PDE4D: variants seen among roughly 807,000 people sequenced by gnomAD.
PDE4D encodes phosphodiesterase 4D.
Under a neutral mutation model 87.4 loss-of-function variants are expected in PDE4D, and 24 were observed. The observed-to-expected ratio is 0.27, with a 90% CI of 0.20 to 0.39. The LOEUF is 0.39. PDE4D is among the 10% of genes least tolerant of loss of function. The probability of loss-of-function intolerance (pLI) is 1.00; values close to 1 mark genes in which losing one functional copy is unlikely to be tolerated. For synonymous variants in PDE4D, 384 were observed against 383.2 expected (o/e 1.00, Z -0.02); for missense variants, 714 against 1,041.0 (o/e 0.69, Z 4.32).
At chr5:59,015,755 C>G (rs1034909626) in intron 6 of PDE4D, among the ~76,000 whole-genome samples, 1 of 152,112 alleles carries the variant, frequency 6.6e-6, no homozygotes, top group Non-Finnish European at 1.5e-5. Flanking sequence ...ACCATTTGAC[C>G]CAGCCATCCC....
At chr5:60,217,511 A>T (rs1445343817) in intron 1 of PDE4D, among the ~76,000 whole-genome samples, 1 of 152,014 alleles carries the variant, frequency 6.6e-6, no homozygotes, top group Non-Finnish European at 1.5e-5. Flanking sequence ...TTCAAATCAC[A>T]TAGTAAAACA....
intron 1 of PDE4D, among the ~76,000 whole-genome samples, chr5:60,391,949 G>A (rs1583610364): frequency 6.6e-6 from 1 of 151,962 alleles, no homozygotes; most frequent in African/African-American, 2.4e-5. Context: ...GGATTGAAAG[G>A]CAGAAGATAT....
chr5:59,119,320 C>G (rs1774107702), intron 5 of PDE4D, among the ~76,000 whole-genome samples: 1 of 151,820 alleles, frequency 6.6e-6, no homozygotes, highest in East Asian at 1.9e-4. Context: ...TTTTAAATAC[C>G]AAGAGAGAAG....
At chr5:60,166,500 T>C (rs773087486) in intron 2 of PDE4D, among the ~76,000 whole-genome samples, 2 of 152,232 alleles carry the variant, frequency 1.3e-5, no homozygotes, top group Non-Finnish European at 2.9e-5. Flanking sequence ...GCATGTCCTG[T>C]AACAAATTAT....
chr5:59,110,661 T>C (rs1772460366), intron 5 of PDE4D, among the ~76,000 whole-genome samples: 1 of 152,244 alleles, frequency 6.6e-6, no homozygotes, highest in East Asian at 1.9e-4. Flanking sequence ...CACTTGAGCC[T>C]AGGAGTTTGA....
chr5:59,320,008 G>A (rs1172132810), intron 1 of PDE4D, among the ~76,000 whole-genome samples: 1 of 151,704 alleles, frequency 6.6e-6, no homozygotes, highest in Non-Finnish European at 1.5e-5. Flanking sequence ...TACCTTCAAG[G>A]GTCAGTGGAG....
At chr5:60,036,569 T>C (rs913351186) in intron 2 of PDE4D, among the ~76,000 whole-genome samples, 7 of 152,200 alleles carry the variant, frequency 4.6e-5, no homozygotes, top group Admixed American at 6.5e-5. Flanking sequence ...CATAAACTCA[T>C]GTCTCCGAAC....
intron 1 of PDE4D, among the ~76,000 whole-genome samples, chr5:59,366,631 AAGAG>A (rs1364625691): frequency 1.3e-5 from 2 of 152,182 alleles, no homozygotes; most frequent in Admixed American, 1.3e-4. Context: ...TTTATAAATC[AAGAG>A]ATGTTTTAAT....
chr5:59,292,159 T>A (rs1768168687), intron 1 of PDE4D, among the ~76,000 whole-genome samples: 1 of 152,172 alleles, frequency 6.6e-6, no homozygotes, highest in Non-Finnish European at 1.5e-5. Flanking sequence ...ATTTAAGCCT[T>A]CATTCAGTTG....
intron 1 of PDE4D, chr5:60,430,316 C>A (rs1356890276): frequency 6.5e-6 from 3 of 462,328 alleles, no homozygotes; most frequent in Admixed American, 2.2e-5. Flanking sequence ...GGCCACTATT[C>A]TTACATCATA....
In PDE4D at chr5:60,084,410, G is replaced by A. The variant is rs562482042; in HGVS notation, c.43-95693C>T. 2.5e-4 allele frequency among the ~76,000 whole-genome samples: 38 copies of A among 151,986 alleles called. No individual in the cohort carries two copies. In the South Asian group the frequency reaches 4.8e-3, roughly 19 times the overall value. On this transcript the variant is annotated intron_variant, in intron 2 of 16. Transcript: ENST00000502484. ...TTAACGTGTGTGTGTGTGTGTGCGC[G>A]CGCGCGTGTGCGCATGCGCACGCAT...
At chr5:60,408,780 A>G (rs976251448) in intron 1 of PDE4D, among the ~76,000 whole-genome samples, 10 of 152,248 alleles carry the variant, frequency 6.6e-5, no homozygotes, top group African/African-American at 2.4e-4. Context: ...ACAAAATAAT[A>G]AAGGGAGAGA....
rs569402217 is a variant in PDE4D at position 59,592,865 on chromosome 5, T to C, written c.455+300303A>G. Among the ~76,000 whole-genome samples, 8 of 152,222 alleles carry C rather than the reference T, an allele frequency of 5.3e-5. 1 individual carries two copies. The highest frequency in any genetic ancestry group is 3.4e-3 in the Middle Eastern group (1 of 294). ...AACCCTTATTTTCAGGTTCTGCCTT[T>C]TACTTTTTGTGTAATTTTGACCAAC... On this transcript the variant is annotated intron_variant, in intron 1 of 14. Coordinates refer to ENST00000340635, the MANE Select transcript of PDE4D (RefSeq NM_001104631.2).
chr5:59,531,275 T>C (rs1173170412), intron 1 of PDE4D, among the ~76,000 whole-genome samples: 2 of 152,180 alleles, frequency 1.3e-5, no homozygotes, highest in East Asian at 3.8e-4. Flanking sequence ...GTTCTTGCCC[T>C]TCATCTCCTT....
At chr5:59,715,738 G>C (rs1355319293) in intron 1 of PDE4D, among the ~76,000 whole-genome samples, 1 of 152,224 alleles carries the variant, frequency 6.6e-6, no homozygotes, top group Non-Finnish European at 1.5e-5. Flanking sequence ...GATGGAAACG[G>C]ATGGTAACCT....
Position 60,440,760 on chromosome 5 carries a change from T to C in PDE4D, c.-90+47182A>G, listed in dbSNP as rs59550963. Reference sequence around the variant, plus strand: ...TAATAGCATAAATTCATTGACTGTTTACTATGTGCAGGATAATCATTTAAT... The same window carrying C: ...TAATAGCATAAATTCATTGACTGTTCACTATGTGCAGGATAATCATTTAAT... On this transcript the variant is annotated intron_variant, in intron 1 of 16. Coordinates refer to the PDE4D transcript ENST00000502484. Among the ~76,000 whole-genome samples the C allele has an allele frequency of 9.3e-3, 1,419 of 152,272 alleles. 24 individuals carry two copies. Among genetic ancestry groups the C allele is most frequent in the African/African-American group, 0.032 (1,344 of 41,554 alleles).
In PDE4D at chr5:59,149,706, G is replaced by GTTTTTTTTTT. The variant is rs76421367; in HGVS notation, c.808+30879_808+30888dup. Reference sequence around the variant, plus strand: ...TTTGCCTTTCTCCCTCTCTCCTCGAGTTTTTTTTTTTTTTTTTTTTTTTTC... The same window carrying GTTTTTTTTTT: ...TTTGCCTTTCTCCCTCTCTCCTCGAGTTTTTTTTTTTTTTTTTTTTTTTTTTTTTTTTTTC... On this transcript the variant is annotated intron_variant, in intron 5 of 14. Transcript: ENST00000340635. Among the ~76,000 whole-genome samples the GTTTTTTTTTT allele has an allele frequency of 3.2e-4, 22 of 69,276 alleles. 2 individuals are homozygous for GTTTTTTTTTT. Among genetic ancestry groups the GTTTTTTTTTT allele is most frequent in the East Asian group, 4.8e-4 (1 of 2,096 alleles). The allele number at this position is 69,276 out of a possible 152,430, so 45.4% of individuals were successfully genotyped here. A position where few individuals can be genotyped will look rare whatever the true frequency, so the allele number is the denominator to read the frequency against.
chr5:60,449,725 A>C (rs1409082717), intron 1 of PDE4D, among the ~76,000 whole-genome samples: 1 of 151,610 alleles, frequency 6.6e-6, no homozygotes, highest in Non-Finnish European at 1.5e-5. Flanking sequence ...GCTTGGTCTT[A>C]AACTCCTGGG....
intron 1 of PDE4D, among the ~76,000 whole-genome samples, chr5:59,385,880 C>A (rs908926330): frequency 6.6e-5 from 10 of 152,130 alleles, no homozygotes; most frequent in African/African-American, 2.2e-4. Flanking sequence ...CTCAGGGAAC[C>A]AGATCTGCAC....
Sources: allele counts gnomAD v4.1 joint callset (sites outside exome capture counted in the v4.1 genomes callset), GRCh38; gene constraint gnomAD v4.1.1; transcripts MANE v1.5; gene names NCBI Gene and HGNC (gene_info 2026-07-23, HGNC 2026-07-21).